The following CNTN3 variants were observed in gnomAD, a reference collection of about 807,000 sequenced individuals.
CNTN3 encodes the protein contactin 3, also known as contactin-3.
CNTN3 carries 60 observed loss-of-function variants against 119.1 expected under a neutral mutation model. The observed-to-expected ratio is 0.50, with a 90% confidence interval of 0.41 to 0.62. The LOEUF (loss-of-function observed/expected upper bound fraction) is 0.62, where lower values mean the gene tolerates loss of function less well. Among genes scored for constraint, CNTN3 ranks in the 20% least tolerant of loss-of-function variants. The probability of loss-of-function intolerance (pLI) is 0.00; values close to 1 mark genes in which losing one functional copy is unlikely to be tolerated. For missense variants in CNTN3, 1,101 were observed against 1,242.4 expected, an observed-to-expected ratio of 0.89 and a Z score of 1.71; for synonymous variants, 450 against 438.7, an observed-to-expected ratio of 1.03 and a Z score of -0.32.
chr3:74,515,276 T>C (rs930694958), intron 2 of CNTN3, among the ~76,000 whole-genome samples: 4 of 152,088 alleles, frequency 2.6e-5, no homozygotes, highest in East Asian at 2.0e-4. Flanking sequence ...GAAAAACATA[T>C]GTAAAATACC....
chr3:74,288,960 A>C (rs926907163), intron 19 of CNTN3, among the ~76,000 whole-genome samples: 17 of 152,212 alleles, frequency 1.1e-4, no homozygotes, highest in Admixed American at 8.5e-4. Flanking sequence ...AAAGAAAATT[A>C]GTCTAGATGC....
intron 4 of CNTN3, among the ~76,000 whole-genome samples, chr3:74,457,733 C>T (rs1702296635): frequency 6.6e-6 from 1 of 151,898 alleles, no homozygotes; most frequent in African/African-American, 2.4e-5. Context: ...AAATTTTTAA[C>T]ACCTTTCCTT....
At chr3:74,604,239 G>A (rs938130257) in intron 1 of CNTN3, among the ~76,000 whole-genome samples, 1 of 152,142 alleles carries the variant, frequency 6.6e-6, no homozygotes, top group African/African-American at 2.4e-5. Flanking sequence ...AAGGCTCCAT[G>A]ACAGTGGTCT....
At chr3:74,601,126 TA>T (rs1390590672) in intron 1 of CNTN3, among the ~76,000 whole-genome samples, 2 of 151,904 alleles carry the variant, frequency 1.3e-5, no homozygotes, top group African/African-American at 4.8e-5. Context: ...ACAACAACAC[TA>T]ACCTAACTGC....
chr3:74,356,525 C>T (rs1703938191), intron 11 of CNTN3, among the ~76,000 whole-genome samples: 1 of 152,038 alleles, frequency 6.6e-6, no homozygotes, highest in Non-Finnish European at 1.5e-5. Context: ...TTTATTGTAC[C>T]TGTCCTGTTA....
intron 4 of CNTN3, among the ~76,000 whole-genome samples, chr3:74,445,273 T>C (rs7433384): frequency 6.6e-6 from 1 of 151,396 alleles, no homozygotes; most frequent in African/African-American, 2.4e-5. Context: ...TTGTTTTTGG[T>C]TTTTTTTTAG....
At position 74,505,447 on chromosome 3, in the gene CNTN3, CGTGTGT is replaced by C. The variant is rs140722806; in HGVS notation, c.56-5668_56-5663del. ...GGACACCATGAGGGAGAACACTATACGTGTGTGTGTGTGTGTGTGTGTGTATAAAAT... is the reference window on the plus strand; with the variant it reads ...GGACACCATGAGGGAGAACACTATACGTGTGTGTGTGTGTGTGTATAAAAT... On this transcript the variant is annotated intron_variant, in intron 2 of 22. Transcript: ENST00000263665. 2.2e-3 allele frequency among the ~76,000 whole-genome samples: 320 copies of C among 148,714 alleles called. 1 individual carries two copies. The highest frequency in any genetic ancestry group is 6.4e-3 in the African/African-American group (260 of 40,414).
intron 1 of CNTN3, among the ~76,000 whole-genome samples, chr3:74,581,799 A>G (rs1213943026): frequency 6.6e-6 from 1 of 152,102 alleles, no homozygotes; most frequent in African/African-American, 2.4e-5. Flanking sequence ...TCAGAAAGAG[A>G]CCCCACTATT....
intron 13 of CNTN3, among the ~76,000 whole-genome samples, chr3:74,308,497 G>T (rs1234393723): frequency 1.3e-5 from 2 of 152,186 alleles, no homozygotes; most frequent in East Asian, 3.8e-4. Flanking sequence ...ACACATCAAA[G>T]ATCACAAAAA....
chr3:74,337,698 C>A (rs1562506), intron 11 of CNTN3, among the ~76,000 whole-genome samples: 3,150 of 152,178 alleles, frequency 0.021, 92 homozygotes, highest in African/African-American at 0.071. Flanking sequence ...GTCCCTCCCA[C>A]AACATGTGGG....
chr3:74,552,453 C>G (rs1704005828), intron 1 of CNTN3, among the ~76,000 whole-genome samples: 1 of 152,192 alleles, frequency 6.6e-6, no homozygotes, highest in Non-Finnish European at 1.5e-5. Context: ...CACATCCTCA[C>G]CAGCATCTGT....
chr3:74,564,885 A>C (rs964921090), intron 1 of CNTN3, among the ~76,000 whole-genome samples: 5 of 152,048 alleles, frequency 3.3e-5, no homozygotes, highest in Non-Finnish European at 7.4e-5. Flanking sequence ...TGGAACAATG[A>C]AATGTGATGT....
At chr3:74,468,467 G>A (rs748707549) in intron 4 of CNTN3, among the ~76,000 whole-genome samples, 3 of 151,996 alleles carry the variant, frequency 2.0e-5, no homozygotes, top group African/African-American at 4.8e-5. Flanking sequence ...TATTATCATC[G>A]GTACCAAAGA....
intron 4 of CNTN3, among the ~76,000 whole-genome samples, chr3:74,462,115 C>G (rs1211207449): frequency 6.6e-6 from 1 of 152,004 alleles, no homozygotes; most frequent in African/African-American, 2.4e-5. Context: ...AACATCCCCT[C>G]TCACTCTCTC....
chr3:74,456,616 A>G (rs943449779), intron 4 of CNTN3, among the ~76,000 whole-genome samples: 1 of 152,142 alleles, frequency 6.6e-6, no homozygotes, highest in Non-Finnish European at 1.5e-5. Context: ...AGTACCCGAC[A>G]TTCGCACAGG....
chr3:74,285,820 T>G (rs1197346252), intron 19 of CNTN3, among the ~76,000 whole-genome samples: 1 of 115,920 alleles, frequency 8.6e-6, no homozygotes, highest in African/African-American at 4.4e-5. Flanking sequence ...TATATATATA[T>G]ATATATATAT....
intron 3 of CNTN3, among the ~76,000 whole-genome samples, chr3:74,487,244 G>A (rs1267024955): frequency 1.3e-5 from 2 of 152,256 alleles, no homozygotes; most frequent in Non-Finnish European, 2.9e-5. Flanking sequence ...ATTTATCAAC[G>A]AGAAGCCTAA....
chr3:74,315,275 T>G (rs903976778), intron 13 of CNTN3, among the ~76,000 whole-genome samples: 1 of 152,186 alleles, frequency 6.6e-6, no homozygotes, highest in Admixed American at 6.5e-5. Flanking sequence ...GTTTAGCATA[T>G]AATCAATAAA....
At chr3:74,352,511 A>G (rs1364619556) in intron 11 of CNTN3, among the ~76,000 whole-genome samples, 1 of 152,156 alleles carries the variant, frequency 6.6e-6, no homozygotes, top group Non-Finnish European at 1.5e-5. Context: ...AATAACTTCC[A>G]TGGTCACCTT....
Sources: gnomAD v4.1 joint callset for allele counts (sites outside exome capture counted in the v4.1 genomes callset) on GRCh38, gnomAD v4.1.1 for gene constraint, MANE v1.5 for transcripts, NCBI Gene and HGNC (gene_info 2026-07-23, HGNC 2026-07-21) for gene names.